Variants in TASP1 observed in about 807,000 individuals in gnomAD.
TASP1 encodes the protein taspase 1, also known as threonine aspartase 1.
Under a neutral mutation model 56.6 loss-of-function variants are expected in TASP1, and 16 were observed. That is an observed-to-expected ratio of 0.28 (90% CI 0.19 to 0.43). TASP1 has a LOEUF of 0.43. Ranked by LOEUF, TASP1 falls within the 20% of genes least tolerant of loss-of-function variation. TASP1 has a pLI of 1.00. For synonymous variants in TASP1, 179 were observed against 184.2 expected, an observed-to-expected ratio of 0.97 and a Z score of 0.23; for missense variants, 393 against 511.6, an observed-to-expected ratio of 0.77 and a Z score of 2.24.
chr20:13,289,302 A>C, the TASP1 span, among the ~76,000 whole-genome samples: 1 of 152,314 alleles, frequency 6.6e-6, no homozygotes, highest in East Asian at 1.9e-4. Context: ...TCATGGTCTG[A>C]TGAGGAAGCC....
intron 10 of TASP1, among the ~76,000 whole-genome samples, chr20:13,527,148 T>C (rs1245375625): frequency 1.3e-5 from 2 of 152,034 alleles, no homozygotes; most frequent in Non-Finnish European, 2.9e-5. Context: ...TAAGAATCTA[T>C]GAAGAAGGCC....
intron 6 of TASP1, among the ~76,000 whole-genome samples, chr20:13,579,129 G>A (rs6109959): frequency 6.6e-6 from 1 of 152,004 alleles, no homozygotes; most frequent in Non-Finnish European, 1.5e-5. Context: ...ATGTTAATTA[G>A]GTTTTACACA....
chr20:13,174,544 A>T, the TASP1 span, among the ~76,000 whole-genome samples: 4 of 152,074 alleles, frequency 2.6e-5, no homozygotes, highest in African/African-American at 4.8e-5. Flanking sequence ...CAAAAAATTT[A>T]AAAAATTAGC....
At chr20:13,441,359 G>C (rs1164314669) in intron 11 of TASP1, among the ~76,000 whole-genome samples, 1 of 152,204 alleles carries the variant, frequency 6.6e-6, no homozygotes, top group Non-Finnish European at 1.5e-5. Context: ...TGGGGGACAA[G>C]TATTAAACTC....
At chr20:13,119,212 G>A in the TASP1 span, among the ~76,000 whole-genome samples, 1 of 152,184 alleles carries the variant, frequency 6.6e-6, no homozygotes, top group East Asian at 1.9e-4. Flanking sequence ...AATTTTTAAC[G>A]AAGCATAACT....
At chr20:13,395,534 C>T (rs1325266403) in intron 13 of TASP1, among the ~76,000 whole-genome samples, 5 of 151,960 alleles carry the variant, frequency 3.3e-5, no homozygotes, top group African/African-American at 1.2e-4. Context: ...AATAAAAATC[C>T]ATTTAACAAC....
chr20:13,552,805 CT>C (rs2046023049), intron 8 of TASP1, among the ~76,000 whole-genome samples: 1 of 152,188 alleles, frequency 6.6e-6, no homozygotes, highest in Admixed American at 6.5e-5. Context: ...AAATAAAACA[CT>C]GTTAATGTTT....
chr20:13,154,211 T>C, the TASP1 span: 4 of 1,575,492 alleles, frequency 2.5e-6, no homozygotes, highest in Non-Finnish European at 3.5e-6. Context: ...GGCACAGGCG[T>C]TAGATTATGC....
At chr20:13,388,773 T>C (rs909858756), downstream of TASP1, among the ~76,000 whole-genome samples, 5 of 152,222 alleles carry the variant, frequency 3.3e-5, no homozygotes. Context: ...GGCACCAACC[T>C]GTCTATGAGA....
chr20:13,307,873 A>G, the TASP1 span, among the ~76,000 whole-genome samples: 2 of 152,238 alleles, frequency 1.3e-5, no homozygotes, highest in African/African-American at 4.8e-5. Flanking sequence ...GGGCTTTCAC[A>G]AAGAGTGCTA....
At chr20:13,522,350 A>C (rs947666019) in intron 10 of TASP1, among the ~76,000 whole-genome samples, 2 of 152,198 alleles carry the variant, frequency 1.3e-5, no homozygotes, top group African/African-American at 4.8e-5. Context: ...GGAGGCTAGC[A>C]ATGATCCAGA....
intron 11 of TASP1, among the ~76,000 whole-genome samples, chr20:13,438,650 C>A (rs2043102162): frequency 6.6e-6 from 1 of 152,136 alleles, no homozygotes; most frequent in Non-Finnish European, 1.5e-5. Flanking sequence ...CCAAAATTGA[C>A]AAATGGGATC....
intron 10 of TASP1, among the ~76,000 whole-genome samples, chr20:13,527,285 A>T (rs2045018877): frequency 6.6e-6 from 1 of 152,134 alleles, no homozygotes; most frequent in Non-Finnish European, 1.5e-5. Context: ...CAAGAGGGCT[A>T]CTGGACTGGG....
the TASP1 span, among the ~76,000 whole-genome samples, chr20:13,343,843 AT>A: frequency 2.6e-4 from 40 of 152,220 alleles, no homozygotes; most frequent in Non-Finnish European, 5.4e-4. Context: ...AGTGGAATCT[AT>A]TCCTGCAGAA....
At chr20:13,524,857 T>C (rs981730552) in intron 10 of TASP1, among the ~76,000 whole-genome samples, 1 of 152,204 alleles carries the variant, frequency 6.6e-6, no homozygotes, top group African/African-American at 2.4e-5. Context: ...GTGTTGGAAC[T>C]ACATGTGTTG....
At chr20:13,494,177 G>C (rs1199885970) in intron 10 of TASP1, among the ~76,000 whole-genome samples, 1 of 152,206 alleles carries the variant, frequency 6.6e-6, no homozygotes, top group Non-Finnish European at 1.5e-5. Flanking sequence ...TGTTCCATCA[G>C]AGAGAAGGAT....
At chr20:13,444,060 T>C (rs916572995) in intron 11 of TASP1, among the ~76,000 whole-genome samples, 1 of 152,196 alleles carries the variant, frequency 6.6e-6, no homozygotes, top group Non-Finnish European at 1.5e-5. Flanking sequence ...GTGCTTTTTT[T>C]CCTTCATCTG....
chr20:13,282,155 T>C, the TASP1 span, among the ~76,000 whole-genome samples: 11 of 152,220 alleles, frequency 7.2e-5, no homozygotes, highest in South Asian at 2.1e-4. Context: ...AATTTTTTTT[T>C]CAATCCCGAT....
At chr20:13,141,455 G>A in the TASP1 span, among the ~76,000 whole-genome samples, 1 of 152,204 alleles carries the variant, frequency 6.6e-6, no homozygotes, top group Non-Finnish European at 1.5e-5. Flanking sequence ...TTGGAAGAGT[G>A]TTCACTGAAT....
Sources: allele counts gnomAD v4.1 joint callset (sites outside exome capture counted in the v4.1 genomes callset), GRCh38; gene constraint gnomAD v4.1.1; transcripts MANE v1.5; gene names NCBI Gene and HGNC (gene_info 2026-07-23, HGNC 2026-07-21).